The following GUCY1B1 variants were observed in gnomAD, a reference collection of about 807,000 sequenced individuals.
GUCY1B1 encodes the protein guanylate cyclase soluble subunit beta-1.
Under a neutral mutation model 71.0 loss-of-function variants are expected in GUCY1B1, and 43 were observed. The observed-to-expected ratio is 0.61, with a 90% CI of 0.47 to 0.78. GUCY1B1 has a LOEUF of 0.78. Among genes scored for constraint, GUCY1B1 ranks in the 30% least tolerant of loss-of-function variants. GUCY1B1 has a pLI of 0.00. For synonymous variants in GUCY1B1, 266 were observed against 259.7 expected, an observed-to-expected ratio of 1.02 and a Z score of -0.23; for missense variants, 535 against 754.1, an observed-to-expected ratio of 0.71 and a Z score of 3.40.
At chr4:155,759,889 C>T in intron 2 of GUCY1B1, 29 bp downstream of exon 2, 1 of 1,567,562 alleles carries the variant, frequency 6.4e-7, no homozygotes, top group Non-Finnish European at 8.8e-7. Context: ...TGGCTGTGGC[C>T]CAGGTCGGCG....
intron 9 of GUCY1B1, 80 bp downstream of exon 9, chr4:155,800,154 T>C (rs1412751107): frequency 1.2e-5 from 11 of 901,210 alleles, no homozygotes; most frequent in Non-Finnish European, 1.6e-5. Context: ...AGAACCAGAC[T>C]AAAAAGCCAT....
rs779488048 is a variant in GUCY1B1 at position 155,796,486 on chromosome 4, G to A, written c.953G>A (p.Ser318Asn). 6.2e-7 allele frequency: 1 copy of A among 1,610,542 alleles called. No individual in the cohort carries two copies. Among genetic ancestry groups the A allele is most frequent in the Non-Finnish European group, 8.5e-7 (1 of 1,177,006 alleles). ...GQMIYLPEADSILFLCSPSVM... is the reference protein window; with the variant it reads ...GQMIYLPEADNILFLCSPSVM... ...ATGATCTACTTACCTGAAGCAGATA[G>A]CATACTTTTTCTATGTTCACCAAGG... is the stretch of plus-strand genomic sequence containing the variant. Residue 318 changes from serine (S) to asparagine (N), a missense_variant, in exon 8 of 14, where the codon AGC becomes AAC. Transcript: ENST00000264424.
At chr4:155,804,963 T>C (rs938686516) in intron 12 of GUCY1B1, 140 bp from the exon 13 acceptor site, 2 of 796,690 alleles carry the variant, frequency 2.5e-6, no homozygotes, top group Non-Finnish European at 4.0e-6. Context: ...ATATGATCAT[T>C]GTTTCTAAAG....
At chr4:155,762,764 A>G (rs1737080304) in intron 2 of GUCY1B1, among the ~76,000 whole-genome samples, 1 of 152,212 alleles carries the variant, frequency 6.6e-6, no homozygotes, top group African/African-American at 2.4e-5. Flanking sequence ...TGTAGGAATC[A>G]ATATAACTAT....
intron 1 of GUCY1B1, 72 bp downstream of exon 1, chr4:155,759,215 C>T (rs1268303804): frequency 1.4e-6 from 2 of 1,467,788 alleles, no homozygotes; most frequent in Non-Finnish European, 1.8e-6. Flanking sequence ...GGGAACTGGC[C>T]GCGCAGCCGG....
chr4:155,781,382 C>G (rs1344703769), intron 4 of GUCY1B1, among the ~76,000 whole-genome samples: 1 of 152,132 alleles, frequency 6.6e-6, no homozygotes, highest in Non-Finnish European at 1.5e-5. Flanking sequence ...TCACAGTTGA[C>G]TTAACGAATA....
At chr4:155,777,422 A>G (rs1457016546) in intron 3 of GUCY1B1, 102 bp from the exon 4 acceptor site, 1 of 692,138 alleles carries the variant, frequency 1.4e-6, no homozygotes, top group Non-Finnish European at 2.6e-6. Context: ...ACAAAAATTG[A>G]AGACATTTTA....
intron 1 of GUCY1B1, 143 bp downstream of exon 1, chr4:155,759,286 C>T (rs1736780783): frequency 6.4e-6 from 5 of 778,680 alleles, no homozygotes; most frequent in Admixed American, 2.7e-5. Flanking sequence ...CACTCCTTGC[C>T]CGCGCCCAGT....
At chr4:155,761,990 T>C (rs1388260790) in intron 2 of GUCY1B1, among the ~76,000 whole-genome samples, 1 of 152,224 alleles carries the variant, frequency 6.6e-6, no homozygotes, top group East Asian at 1.9e-4. Flanking sequence ...CATCTTTTGG[T>C]GGACCCCAGC....
intron 8 of GUCY1B1, 115 bp downstream of exon 8, chr4:155,796,625 T>C: frequency 1.5e-6 from 1 of 666,302 alleles, no homozygotes. Flanking sequence ...GTAATTAGAT[T>C]TTACAGCCCT....
intron 4 of GUCY1B1, among the ~76,000 whole-genome samples, chr4:155,783,358 C>T (rs955506377): frequency 4.6e-5 from 7 of 152,140 alleles, no homozygotes; most frequent in South Asian, 4.1e-4. Flanking sequence ...AAATGAGCAG[C>T]GAAGGCTGCC....
chr4:155,765,296 C>A (rs1737259175), intron 2 of GUCY1B1, among the ~76,000 whole-genome samples: 1 of 152,110 alleles, frequency 6.6e-6, no homozygotes, highest in Admixed American at 6.5e-5. Flanking sequence ...TGATGCTCTG[C>A]AGACATCAAT....
intron 2 of GUCY1B1, among the ~76,000 whole-genome samples, chr4:155,768,465 T>G (rs946419840): frequency 1.3e-5 from 2 of 151,128 alleles, no homozygotes; most frequent in African/African-American, 4.8e-5. Context: ...TGTTTTTTTT[T>G]TTTTTTTTTG....
intron 7 of GUCY1B1, among the ~76,000 whole-genome samples, chr4:155,795,778 T>C (rs973589813): frequency 1.4e-5 from 2 of 142,338 alleles, no homozygotes; most frequent in African/African-American, 5.7e-5. Flanking sequence ...CTAAAAAGGA[T>C]TTTTTTTTTT....
chr4:155,802,187 C>T lies in GUCY1B1; in HGVS notation c.1176-155C>T. 1 of 1,462,888 alleles carries T rather than the reference C, an allele frequency of 6.8e-7. No homozygotes were observed. Among genetic ancestry groups the T allele is most frequent in the Non-Finnish European group, 9.0e-7 (1 of 1,107,032 alleles). 90.6% of individuals were successfully genotyped at this position (1,462,888 alleles called of 1,614,324 possible). On this transcript the variant is annotated intron_variant, in intron 9 of 13. Coordinates refer to ENST00000264424, the MANE Select transcript of GUCY1B1 (RefSeq NM_000857.5). The surrounding 1 kb of genome is among the most constrained non-coding windows in gnomAD (Gnocchi z 4.3). ...TTCTGTAAATCCTTGCTTATAAATA[C>T]AGCTAATATTTGATGCTAATTTTAG...
intron 12 of GUCY1B1, 147 bp downstream of exon 12, chr4:155,804,894 G>C: frequency 2.8e-6 from 2 of 725,566 alleles, no homozygotes; most frequent in Non-Finnish European, 4.5e-6. Context: ...CTTTTTATTT[G>C]AGAAGATTGT....
intron 3 of GUCY1B1, among the ~76,000 whole-genome samples, 181 bp downstream of exon 3, chr4:155,775,249 C>T (rs1205974605): frequency 2.0e-5 from 3 of 152,182 alleles, no homozygotes; most frequent in Non-Finnish European, 4.4e-5. Context: ...TCTTATTTTT[C>T]CTTTTGCAAA....
intron 2 of GUCY1B1, among the ~76,000 whole-genome samples, chr4:155,768,146 GT>G (rs1561002387): frequency 6.6e-6 from 1 of 152,104 alleles, no homozygotes; most frequent in Non-Finnish European, 1.5e-5. Context: ...ACATGCCTGT[GT>G]TCAGGCTCTC....
At chr4:155,765,269 A>G (rs1737255838) in intron 2 of GUCY1B1, among the ~76,000 whole-genome samples, 1 of 152,152 alleles carries the variant, frequency 6.6e-6, no homozygotes, top group South Asian at 2.1e-4. Flanking sequence ...ATGTGTTGGA[A>G]AACTATAGTT....
Sources: gnomAD v4.1 joint callset for allele counts (sites outside exome capture counted in the v4.1 genomes callset) on GRCh38, gnomAD v4.1.1 for gene constraint, Gnocchi (gnomAD v3.1) non-coding constraint, MANE v1.5 for transcripts, NCBI Gene and HGNC (gene_info 2026-07-23, HGNC 2026-07-21) for gene names.